Variants in DCLK1 observed in about 807,000 individuals in gnomAD.
The protein encoded by DCLK1 is serine/threonine-protein kinase DCLK1.
In DCLK1, 16 loss-of-function variants were observed where a neutral mutation model predicts 86.2. The ratio of observed to expected loss-of-function variants is 0.19; its 90% CI spans 0.13 to 0.28. The LOEUF (loss-of-function observed/expected upper bound fraction) is 0.28. Ranked by LOEUF, DCLK1 falls within the 10% of genes least tolerant of loss-of-function variation. DCLK1 has a pLI of 1.00. For synonymous variants in DCLK1, 369 were observed against 370.5 expected (o/e 1.00, Z 0.05); for missense variants, 590 against 940.2 (o/e 0.63, Z 4.87).
intron 3 of DCLK1, among the ~76,000 whole-genome samples, chr13:35,972,530 T>TCAGAATA (rs1765026601): frequency 6.6e-6 from 1 of 152,064 alleles, no homozygotes; most frequent in Non-Finnish European, 1.5e-5. Context: ...TTACAAACAT[T>TCAGAATA]CCTGAAAGCT....
At chr13:35,848,893 A>C in intron 6 of DCLK1, 5 of 985,404 alleles carry the variant, frequency 5.1e-6, no homozygotes, top group Non-Finnish European at 6.0e-6. Flanking sequence ...GCAACCTCAC[A>C]GATGTTTACT....
At chr13:36,035,135 G>T (rs965228576) in intron 3 of DCLK1, among the ~76,000 whole-genome samples, 9 of 152,054 alleles carry the variant, frequency 5.9e-5, no homozygotes, top group African/African-American at 2.2e-4. Context: ...CTGCCCCTTT[G>T]TCTGCTATTG....
intron 5 of DCLK1, among the ~76,000 whole-genome samples, chr13:35,858,148 T>C (rs2153111529): frequency 6.6e-6 from 1 of 152,136 alleles, no homozygotes; most frequent in Admixed American, 6.5e-5. Flanking sequence ...AATGTCAAGG[T>C]AGGAGAGAGT....
At chr13:35,957,255 C>T (rs995721362) in intron 3 of DCLK1, among the ~76,000 whole-genome samples, 5 of 152,060 alleles carry the variant, frequency 3.3e-5, no homozygotes, top group Non-Finnish European at 7.4e-5. Context: ...CCCAGAGAAC[C>T]AAACCCAACC....
At chr13:35,983,211 A>G (rs1879748802) in intron 3 of DCLK1, among the ~76,000 whole-genome samples, 1 of 151,920 alleles carries the variant, frequency 6.6e-6, no homozygotes, top group Non-Finnish European at 1.5e-5. Flanking sequence ...CTGCAGTCTC[A>G]AATCCCTGGC....
intron 3 of DCLK1, among the ~76,000 whole-genome samples, chr13:36,098,062 G>A (rs1272878639): frequency 3.3e-5 from 5 of 152,094 alleles, no homozygotes; most frequent in Admixed American, 6.5e-5. Context: ...GTAAAAAATC[G>A]AAATTTTAGT....
chr13:36,056,906 A>AAAAAAAT (rs4054844), intron 3 of DCLK1, among the ~76,000 whole-genome samples: 52 of 130,142 alleles, frequency 4.0e-4, no homozygotes, highest in African/African-American at 7.6e-4. Context: ...AAAAAAAAAA[A>AAAAAAAT]ATATATATAT....
At position 36,111,885 on chromosome 13, in the gene DCLK1, G is replaced by A. The variant is rs1212119744; in HGVS notation, c.707C>T (p.Thr236Met). ...GTCTCTTACCTGTTTCCCATCCAAC[G>A]TGTACAGGCGTTTCACCACTCCCGA... ...LDSGVVKRLYTLDGKQVMCLQ... is the reference protein window; with the variant it reads ...LDSGVVKRLYMLDGKQVMCLQ... The change falls in exon 3 of 17, where the codon ACG becomes ATG. Residue 236 changes from threonine (T) to methionine (M), a missense_variant. By Grantham distance (81) the Thr-to-Met change is moderately conservative (BLOSUM62 -1). This residue lies in a region of DCLK1 where 195 missense variants were observed against 365.1 expected (regional missense o/e 0.53). Transcript: ENST00000360631. 1.9e-6 allele frequency: 3 copies of A among 1,612,594 alleles called. No individual in the cohort carries two copies. The highest frequency in any genetic ancestry group is 1.3e-5 in the African/African-American group (1 of 74,888).
intron 3 of DCLK1, among the ~76,000 whole-genome samples, chr13:36,105,948 A>T (rs372382308): frequency 5.3e-5 from 8 of 152,256 alleles, no homozygotes; most frequent in African/African-American, 1.9e-4. Context: ...AAGCAAGAGA[A>T]CTCACCACCA....
At position 35,892,383 on chromosome 13, in the gene DCLK1, G is replaced by A. The variant is rs557402141; in HGVS notation, c.824-21043C>T. On this transcript the variant is annotated intron_variant, in intron 4 of 16. Transcript: ENST00000360631. ...GTATGAGTCAAAGTCAAGGTAAGTC[G>A]CCTTTCTCTTTCCACAAATCCGAAA... is the stretch of plus-strand genomic sequence containing the variant. 6.5e-3 allele frequency among the ~76,000 whole-genome samples: 987 copies of A among 152,198 alleles called. 9 individuals are homozygous for A. Among genetic ancestry groups the A allele is most frequent in the African/African-American group, 0.023 (939 of 41,524 alleles).
chr13:35,882,620 T>C (rs984705140), intron 4 of DCLK1, among the ~76,000 whole-genome samples: 4 of 152,232 alleles, frequency 2.6e-5, no homozygotes, highest in African/African-American at 9.6e-5. Context: ...GGGTGCATTA[T>C]TTTAGTTTCT....
chr13:35,948,979 A>G (rs1212448056), intron 3 of DCLK1, among the ~76,000 whole-genome samples: 6 of 152,178 alleles, frequency 3.9e-5, no homozygotes, highest in African/African-American at 1.2e-4. Flanking sequence ...TCATGACACC[A>G]TAGCTTCTTC....
In DCLK1 at chr13:35,810,867, T is replaced by C. The variant is rs2087127063; in HGVS notation, c.1656A>G (p.Thr552=). 3.1e-6 allele frequency: 5 copies of C among 1,614,050 alleles called. No individual in the cohort carries two copies. The highest frequency in any genetic ancestry group is 3.3e-4 in the Middle Eastern group (2 of 6,060). The change falls in exon 12 of 17, where the codon ACA becomes ACG. Residue 552 remains threonine (T), a synonymous_variant. Coordinates refer to ENST00000360631, the MANE Select transcript of DCLK1 (RefSeq NM_001330071.2). The part of the protein sequence containing the change: ...GPLYTVCGTP[T]YVAPEIIAET... ...CTGCAATGATTTCTGGAGCCACGTA[T>C]GTTGGGGTGCCACAGACTGTGTACA... is the stretch of plus-strand genomic sequence containing the variant.
intron 4 of DCLK1, among the ~76,000 whole-genome samples, chr13:35,919,685 G>A (rs1875671388): frequency 6.6e-6 from 1 of 152,044 alleles, no homozygotes; most frequent in African/African-American, 2.4e-5. Flanking sequence ...CCTTGGCTGG[G>A]AGCGGTGGCT....
chr13:35,913,752 T>C (rs775387240), intron 4 of DCLK1, among the ~76,000 whole-genome samples: 4 of 152,162 alleles, frequency 2.6e-5, no homozygotes, highest in South Asian at 2.1e-4. Context: ...GGTGTGTAAG[T>C]GTTTCAGAAA....
At chr13:36,098,560 C>A (rs777125105) in intron 3 of DCLK1, among the ~76,000 whole-genome samples, 1 of 150,786 alleles carries the variant, frequency 6.6e-6, no homozygotes, top group Non-Finnish European at 1.5e-5. Flanking sequence ...CTTTTGTCTT[C>A]AAAAAAAAAG....
intron 3 of DCLK1, among the ~76,000 whole-genome samples, chr13:36,110,345 G>T (rs2138186373): frequency 6.6e-6 from 1 of 152,200 alleles, no homozygotes; most frequent in Non-Finnish European, 1.5e-5. Flanking sequence ...AGAAGACTAA[G>T]TCTCATTCAT....
At chr13:35,950,962 C>A (rs1385393281) in intron 3 of DCLK1, among the ~76,000 whole-genome samples, 1 of 151,922 alleles carries the variant, frequency 6.6e-6, no homozygotes, top group East Asian at 2.0e-4. Context: ...GCTTGTGGAC[C>A]CTGGCATTTT....
At chr13:35,835,983 T>C in intron 8 of DCLK1, 50 bp downstream of exon 8, 1 of 1,333,544 alleles carries the variant, frequency 7.5e-7, no homozygotes, top group Non-Finnish European at 1.1e-6. Flanking sequence ...TTGGAAAACA[T>C]AACGCCAAAT....
Sources: allele counts gnomAD v4.1 joint callset (sites outside exome capture counted in the v4.1 genomes callset), GRCh38; gene constraint gnomAD v4.1.1; regional missense constraint gnomAD v4.1.1; transcripts MANE v1.5; gene names NCBI Gene and HGNC (gene_info 2026-07-23, HGNC 2026-07-21).